The following IL1RN variants were observed in gnomAD, a reference collection of about 807,000 sequenced individuals.
IL1RN encodes the protein interleukin-1 receptor antagonist protein.
IL1RN carries 10 observed loss-of-function variants against 13.7 expected under a neutral mutation model. The ratio of observed to expected loss-of-function variants is 0.73; its 90% confidence interval spans 0.45 to 1.24. The LOEUF is 1.24. Among genes scored for constraint, IL1RN ranks in the 50% most tolerant of loss-of-function variants. The pLI, the probability that IL1RN is intolerant of heterozygous loss-of-function variation, is 0.00. For missense variants in IL1RN, 213 were observed against 222.1 expected, an observed-to-expected ratio of 0.96 and a Z score of 0.26; for synonymous variants, 102 against 82.7, an observed-to-expected ratio of 1.23 and a Z score of -1.27.
chr2:113,115,420 T>C (rs1376092643), upstream of IL1RN: 2 of 152,184 alleles, frequency 1.3e-5, no homozygotes, highest in Non-Finnish European at 2.9e-5. Flanking sequence ...TCTAATAACA[T>C]TAAACCTCAA....
chr2:113,132,865 C>A lies in IL1RN; in HGVS notation c.528C>A (p.Asp176Glu). ...VMVTKFYFQEDE is the reference protein window; with the variant it reads ...VMVTKFYFQEEE ...TCACCAAATTCTACTTCCAGGAGGA[C>A]GAGTAGTACTGCCCAGGCCTGCCTG... Residue 176 changes from aspartate (D) to glutamate (E), a missense_variant, in exon 4 of 4, where the codon GAC becomes GAA. Coordinates refer to ENST00000409930, the MANE Select transcript of IL1RN (RefSeq NM_173842.3). 1 of 1,613,874 alleles carries A rather than the reference C, an allele frequency of 6.2e-7. No homozygotes were observed. Among genetic ancestry groups the A allele is most frequent in the Non-Finnish European group, 8.5e-7 (1 of 1,179,736 alleles).
chr2:113,121,644 G>A lies in IL1RN; in HGVS notation c.73+1516G>A, dbSNP rs1686786019. 4 of 972,654 alleles carry A rather than the reference G, an allele frequency of 4.1e-6. No individual in the cohort carries two copies. In the African/African-American group the frequency reaches 5.3e-5, roughly 13 times the overall value. The allele number at this position is 972,654 out of a possible 1,614,324, so 60.3% of individuals were successfully genotyped here. A position where few individuals can be genotyped will look rare whatever the true frequency, so the allele number is the denominator to read the frequency against. On this transcript the variant is annotated intron_variant, in intron 2 of 5. Transcript: ENST00000259206. ...GTAAGTTAACCATGTAGATCTGAGA[G>A]GAGAGTAGCTTCTTGTAGATAACAG... is the stretch of plus-strand genomic sequence containing the variant.
At chr2:113,118,992 A>G (rs1361149831) in intron 1 of IL1RN, among the ~76,000 whole-genome samples, 1 of 152,190 alleles carries the variant, frequency 6.6e-6, no homozygotes, top group African/African-American at 2.4e-5. Context: ...AATGGAGATC[A>G]CACCACTGCA....
intron 1 of IL1RN, 29 bp downstream of exon 1, chr2:113,127,769 AG>A: frequency 1.2e-6 from 2 of 1,608,152 alleles, no homozygotes; most frequent in Non-Finnish European, 1.7e-6. Context: ...GGAGAAGGTG[AG>A]GGTGGATCAG....
chr2:113,122,365 C>T (rs1468359680), intron 2 of IL1RN, among the ~76,000 whole-genome samples: 2 of 152,132 alleles, frequency 1.3e-5, no homozygotes, highest in Non-Finnish European at 2.9e-5. Context: ...AATGTGGAGA[C>T]AATTTCCCTT....
At chr2:113,128,573 A>G (rs1016609555) in intron 1 of IL1RN, among the ~76,000 whole-genome samples, 2 of 152,128 alleles carry the variant, frequency 1.3e-5, no homozygotes, top group African/African-American at 4.8e-5. Context: ...TAGAAGCTCC[A>G]GGAGATCCTC....
At chr2:113,117,181 G>GTATC (rs1377362217), upstream of IL1RN, among the ~76,000 whole-genome samples, 1 of 152,266 alleles carries the variant, frequency 6.6e-6, no homozygotes, top group Non-Finnish European at 1.5e-5. Context: ...CAGGGAGAGA[G>GTATC]TATCTGGCCT....
intron 1 of IL1RN, among the ~76,000 whole-genome samples, chr2:113,112,609 C>T (rs542167794): frequency 6.6e-6 from 1 of 152,298 alleles, no homozygotes; most frequent in South Asian, 2.1e-4. Flanking sequence ...GAATTCCCCG[C>T]CCACGCTTTC....
chr2:113,118,583 A>G (rs4251975), intron 1 of IL1RN, among the ~76,000 whole-genome samples: 31,807 of 152,158 alleles, frequency 0.21, 4,073 homozygotes, highest in South Asian at 0.28. Flanking sequence ...ATTTCATTAT[A>G]TATAGTATTC....
intron 2 of IL1RN, chr2:113,129,954 T>G: frequency 2.4e-6 from 1 of 423,416 alleles, no homozygotes. Context: ...AGGTTGACCA[T>G]TCCCTTCCTC....
chr2:113,099,894 C>T, the IL1RN span, among the ~76,000 whole-genome samples: 1 of 138,276 alleles, frequency 7.2e-6, no homozygotes, highest in African/African-American at 2.5e-5. Context: ...GCCACCACGC[C>T]CGGCTAATTT....
chr2:113,125,388 T>C (rs896701904), upstream of IL1RN, among the ~76,000 whole-genome samples: 1 of 152,216 alleles, frequency 6.6e-6, no homozygotes, highest in Non-Finnish European at 1.5e-5. Context: ...AGGAAGACAC[T>C]GTTTCTTGAA....
rs372085115 is a variant in IL1RN at position 113,131,107 on chromosome 2, A to G, written c.268A>G (p.Met90Val). The G allele has an allele frequency of 6.2e-7, 1 of 1,613,756 alleles. No individual in the cohort carries two copies. Among genetic ancestry groups the G allele is most frequent in the Non-Finnish European group, 8.5e-7 (1 of 1,179,740 alleles). ...GTTCTTGGGAATCCATGGAGGGAAG[A>G]TGTGCCTGTCCTGTGTCAAGTCTGG... ...ALFLGIHGGK[M>V]CLSCVKSGDE... Residue 90 changes from methionine (M) to valine (V), a missense_variant, in exon 3 of 4, where the codon ATG becomes GTG. Transcript: ENST00000409930.
intron 2 of IL1RN, among the ~76,000 whole-genome samples, chr2:113,130,474 C>A (rs1024568761): frequency 2.6e-5 from 4 of 152,220 alleles, no homozygotes; most frequent in Non-Finnish European, 4.4e-5. Flanking sequence ...CCACTCATGG[C>A]CTTGTTCATT....
At chr2:113,103,193 G>A (rs905087501), upstream of IL1RN, among the ~76,000 whole-genome samples, 66 of 152,280 alleles carry the variant, frequency 4.3e-4, no homozygotes, top group African/African-American at 1.5e-3. Context: ...TGGAGGTGGA[G>A]GAGTCACAGG....
chr2:113,129,839 G>A (rs1014973837), intron 2 of IL1RN, 175 bp downstream of exon 2: 1 of 625,614 alleles, frequency 1.6e-6, no homozygotes, highest in Non-Finnish European at 3.0e-6. Flanking sequence ...ACATATGAGG[G>A]CAGCCTGAAG....
At chr2:113,115,868 C>T (rs1686582229), upstream of IL1RN, among the ~76,000 whole-genome samples, 21 of 152,202 alleles carry the variant, frequency 1.4e-4, no homozygotes. Context: ...CCTGGGAATG[C>T]CCAGCCTTGT....
At chr2:113,107,125 A>C (rs1686397912), upstream of IL1RN, 1 of 152,236 alleles carries the variant, frequency 6.6e-6, no homozygotes, top group Non-Finnish European at 1.5e-5. Flanking sequence ...TAATCACAGC[A>C]CCTTAAGGTG....
chr2:113,101,916 C>T, the IL1RN span, among the ~76,000 whole-genome samples: 537 of 152,080 alleles, frequency 3.5e-3, 3 homozygotes, highest in African/African-American at 0.012. Flanking sequence ...TACAGGTGTG[C>T]GTTATCACAC....
Sources: allele counts gnomAD v4.1 joint callset (sites outside exome capture counted in the v4.1 genomes callset), GRCh38; gene constraint gnomAD v4.1.1; transcripts MANE v1.5; gene names NCBI Gene and HGNC (gene_info 2026-07-23, HGNC 2026-07-21).